Variants in ZBTB39 observed in about 807,000 individuals in gnomAD.
ZBTB39 encodes the protein zinc finger and BTB domain-containing protein 39.
In ZBTB39, 25 loss-of-function variants were observed where a neutral mutation model predicts 39.4. The ratio of observed to expected loss-of-function variants is 0.63; its 90% CI spans 0.46 to 0.89. The LOEUF (loss-of-function observed/expected upper bound fraction) is 0.89, where lower values mean the gene tolerates loss of function less well. Ranked by LOEUF, ZBTB39 falls within the 40% of genes least tolerant of loss-of-function variation. ZBTB39 has a pLI of 0.00. For missense variants in ZBTB39, 891 were observed against 909.7 expected, an observed-to-expected ratio of 0.98 and a Z score of 0.26; for synonymous variants, 373 against 359.6, an observed-to-expected ratio of 1.04 and a Z score of -0.42.
At position 57,003,195 on chromosome 12, in the gene ZBTB39, G is replaced by A; in HGVS notation, c.1723C>T (p.Gln575Ter). Residue 575 changes from glutamine to a stop codon, truncating the protein, a stop_gained, in exon 2 of 2, where the codon CAG (glutamine) becomes TAG (stop). Coordinates refer to ENST00000300101, the MANE Select transcript of ZBTB39 (RefSeq NM_014830.3). LOFTEE classifies it high-confidence loss of function. This position sits in a 1 kb window ranked among gnomAD's most constrained non-coding sequence, Gnocchi z 4.8. Reference protein sequence around the residue: ...GLDARPGFGLQHPALQKRKLP... With the variant: ...GLDARPGFGL ...TTCCGCTTCTGGAGAGCTGGGTGCTGCAGCCCAAAACCAGGCCGTGCATCA... is the reference window on the plus strand; with the variant it reads ...TTCCGCTTCTGGAGAGCTGGGTGCTACAGCCCAAAACCAGGCCGTGCATCA... 6.2e-7 allele frequency: 1 copy of A among 1,614,118 alleles called. No homozygotes were observed. The highest frequency in any genetic ancestry group is 8.5e-7 in the Non-Finnish European group (1 of 1,179,998).
chr12:57,003,321 G>A lies in ZBTB39; in HGVS notation c.1597C>T (p.Leu533=). The A allele has an allele frequency of 1.9e-6, 3 of 1,614,002 alleles. No individual in the cohort carries two copies. Among genetic ancestry groups the A allele is most frequent in the South Asian group, 1.1e-5 (1 of 91,030 alleles). ...LEKHMAVHQS[L]EDALFHCRLC... ...CGGCAGTGGAAGAGGGCGTCTTCCA[G>A]ACTTTGGTGCACAGCCATGTGCTTC... The change falls in exon 2 of 2, where the codon CTG becomes TTG. Residue 533 remains leucine (L), a synonymous_variant. Transcript: ENST00000300101. The surrounding 1 kb of genome is among the most constrained non-coding windows in gnomAD (Gnocchi z 4.8).
rs1056113776 is a variant in ZBTB39 at position 57,002,556 on chromosome 12, T to G, written c.*223A>C. The G allele has an allele frequency of 1.8e-6, 1 of 561,356 alleles. No individual in the cohort carries two copies. Among genetic ancestry groups the G allele is most frequent in the South Asian group, 2.6e-5 (1 of 38,954 alleles). 34.8% of individuals were successfully genotyped at this position (561,356 alleles called of 1,614,324 possible). The stretch of plus-strand genomic sequence containing the variant: ...AAAGAATGAAAAACATAGCCCTGCA[T>G]GGGCAAGAACAGGTATGGAGGTAAA... On this transcript the variant is annotated 3_prime_UTR_variant, in exon 2 of 2. Coordinates refer to ENST00000300101, the MANE Select transcript of ZBTB39 (RefSeq NM_014830.3).
chr12:57,005,206 T>G (rs1256991279), intron 1 of ZBTB39, among the ~76,000 whole-genome samples: 2 of 152,198 alleles, frequency 1.3e-5, no homozygotes, highest in Non-Finnish European at 2.9e-5. Context: ...AGCTGGTGCC[T>G]AGAGACGAAC....
At position 57,004,012 on chromosome 12, in the gene ZBTB39, A is replaced by G. The variant is rs1189239694; in HGVS notation, c.906T>C (p.Asp302=). 6.2e-7 allele frequency: 1 copy of G among 1,614,246 alleles called. No homozygotes were observed. Reference sequence around the variant, plus strand: ...CAGCAGGGTCTTCAAACTGCAAGTCATCATCCCCCAGGTCCTCGAGCTGGA... The same window carrying G: ...CAGCAGGGTCTTCAAACTGCAAGTCGTCATCCCCCAGGTCCTCGAGCTGGA... ...DELQLEDLGD[D]DLQFEDPAED... Residue 302 remains aspartate, a synonymous_variant, in exon 2 of 2, where the codon GAT becomes GAC. Coordinates refer to ENST00000300101, the MANE Select transcript of ZBTB39 (RefSeq NM_014830.3).
At position 57,002,999 on chromosome 12, in the gene ZBTB39, T is replaced by G. The variant is rs1355705712; in HGVS notation, c.1919A>C (p.Lys640Thr). The G allele has an allele frequency of 6.2e-7, 1 of 1,614,126 alleles. No homozygotes were observed. Among genetic ancestry groups the G allele is most frequent in the Non-Finnish European group, 8.5e-7 (1 of 1,180,058 alleles). Residue 640 changes from lysine to threonine, a missense_variant, in exon 2 of 2, where the codon AAG becomes ACG. Lys to Thr is a moderately conservative substitution (Grantham distance 78, BLOSUM62 -1). Coordinates refer to ENST00000300101, the MANE Select transcript of ZBTB39 (RefSeq NM_014830.3). Reference sequence around the variant, plus strand: ...GATGGTCGAGCGGCCTCGAAAGAACTTGTGGCACACCTTACATTGGTATGG... The same window carrying G: ...GATGGTCGAGCGGCCTCGAAAGAACGTGTGGCACACCTTACATTGGTATGG... The part of the protein sequence containing the change: ...EKPYQCKVCH[K>T]FFRGRSTIKC...
Position 57,003,664 on chromosome 12 carries a change from G to T in ZBTB39, c.1254C>A (p.His418Gln). 6.2e-7 allele frequency: 1 copy of T among 1,614,210 alleles called. No individual in the cohort carries two copies. The highest frequency in any genetic ancestry group is 8.5e-7 in the Non-Finnish European group (1 of 1,180,054). The change falls in exon 2 of 2, where the codon CAC (histidine) becomes CAA (glutamine). Residue 418 changes from histidine to glutamine, a missense_variant. Transcript: ENST00000300101. This position sits in a 1 kb window ranked among gnomAD's most constrained non-coding sequence, Gnocchi z 4.8. ...KFFTQWQLTL[H>Q]RRDGIFENNI... is the part of the protein sequence containing the mutation. ...TGTTCTCAAATATTCCATCCCGTCGGTGAAGGGTCAGCTGCCACTGGGTAA... is the reference window on the plus strand; with the variant it reads ...TGTTCTCAAATATTCCATCCCGTCGTTGAAGGGTCAGCTGCCACTGGGTAA...
intron 1 of ZBTB39, among the ~76,000 whole-genome samples, chr12:57,006,188 A>G (rs1047490594): frequency 2.6e-5 from 4 of 151,510 alleles, no homozygotes; most frequent in African/African-American, 4.8e-5. Flanking sequence ...TCCCTCCACA[A>G]ACAGCGCGGG....
chr12:57,004,153 GAA>G lies in ZBTB39; in HGVS notation c.763_764del (p.Phe255GlnfsTer2). On this transcript the variant is annotated frameshift_variant, in exon 2 of 2. Coordinates refer to ENST00000300101, the MANE Select transcript of ZBTB39 (RefSeq NM_014830.3). LOFTEE classifies it high-confidence loss of function. ...QPYKVQSNGD[F>X]SKNSFLTPDN... ...CAGGGGTGAGGAAGCTGTTTTTACT[GAA>G]GTCTCCATTGCTTTGAACTTTGTAT... 1 of 1,614,188 alleles carries G rather than the reference GAA, an allele frequency of 6.2e-7. No individual in the cohort carries two copies. Among genetic ancestry groups the G allele is most frequent in the Non-Finnish European group, 8.5e-7 (1 of 1,180,044 alleles).
Position 57,004,232 on chromosome 12 carries a change from A to G in ZBTB39, c.686T>C (p.Leu229Pro), listed in dbSNP as rs149460855. 1.1e-4 allele frequency: 185 copies of G among 1,614,084 alleles called. 3 individuals are homozygous for G. The East Asian group carries it at 4.0e-3, about 35-fold the overall frequency. Residue 229 changes from leucine (L) to proline (P), a missense_variant, in exon 2 of 2, where the codon CTC becomes CCC. Leu to Pro is a moderately conservative substitution (Grantham distance 98). Coordinates refer to ENST00000300101, the MANE Select transcript of ZBTB39 (RefSeq NM_014830.3). The part of the protein sequence containing the change: ...TSIPSMMTQP[L>P]LGTVSTGIQT... The stretch of plus-strand genomic sequence containing the variant: ...GATGCCCGTGCTGACAGTGCCTAGG[A>G]GTGGCTGGGTCATCATGCTAGGAAT...
intron 1 of ZBTB39, among the ~76,000 whole-genome samples, 165 bp downstream of exon 1, chr12:57,006,239 AG>A (rs1257605879): frequency 1.4e-5 from 2 of 141,592 alleles, no homozygotes; most frequent in Non-Finnish European, 3.1e-5. Flanking sequence ...GGGCTGAATA[AG>A]GGGCCAAGCG....
Position 57,003,264 on chromosome 12 carries a change from C to A in ZBTB39, c.1654G>T (p.Ala552Ser). The A allele has an allele frequency of 6.2e-7, 1 of 1,614,184 alleles. No homozygotes were observed. The highest frequency in any genetic ancestry group is 8.5e-7 in the Non-Finnish European group (1 of 1,180,012). ...TGCTGGCTGACGTGGTAGCGATAGGCAGCCTCTGACTTGAAGCTCTGGCTG... is the reference window on the plus strand; with the variant it reads ...TGCTGGCTGACGTGGTAGCGATAGGAAGCCTCTGACTTGAAGCTCTGGCTG... ...LCSQSFKSEA[A>S]YRYHVSQHKC... Residue 552 changes from alanine (A) to serine (S), a missense_variant, in exon 2 of 2, where the codon GCC (alanine) becomes TCC (serine). By Grantham distance (99) the Ala-to-Ser change is moderately conservative. Coordinates refer to ENST00000300101, the MANE Select transcript of ZBTB39 (RefSeq NM_014830.3). The surrounding 1 kb of genome is among the most constrained non-coding windows in gnomAD (Gnocchi z 4.8).
In ZBTB39 at chr12:57,002,629, TTTC is replaced by T. The variant is rs1386199491; in HGVS notation, c.*147_*149del. The T allele has an allele frequency of 3.8e-5, 28 of 734,852 alleles. No homozygotes were observed. Among genetic ancestry groups the T allele is most frequent in the Non-Finnish European group, 4.4e-5 (20 of 454,400 alleles). The allele number at this position is 734,852 out of a possible 1,614,324, so 45.5% of individuals were successfully genotyped here. ...AACAACAGTAACAGCTTATGTGCTA[TTTC>T]TTCTTCTTTTCTTCTTTAAACACAA... On this transcript the variant is annotated 3_prime_UTR_variant, in exon 2 of 2. Coordinates refer to ENST00000300101, the MANE Select transcript of ZBTB39 (RefSeq NM_014830.3).
rs376665716 is a variant in ZBTB39, at chr12:57,004,318, C to T, written c.600G>A (p.Pro200=). The T allele has an allele frequency of 3.2e-5, 51 of 1,614,094 alleles. No individual in the cohort carries two copies. The highest frequency in any genetic ancestry group is 2.7e-4 in the African/African-American group (20 of 75,014). Residue 200 remains proline, a synonymous_variant, in exon 2 of 2, where the codon CCG becomes CCA. Transcript: ENST00000300101. ...TCTTTGGCGGTGGTGGGGGCGGTTG[C>T]GGCAGATGCAGGCTATGGTTAGCGT... The part of the protein sequence containing the change: ...ASDANHSLHL[P]QPPPPPPKTE...
At position 57,004,365 on chromosome 12, in the gene ZBTB39, C is replaced by A. The variant is rs1220133090; in HGVS notation, c.553G>T (p.Glu185Ter). ...GCGTCACTGGCAACATTCTTCTCTT[C>A]CTCTTTATAGCTCCCTCCAGCATCA... ...PSDAGGSYKE[E>*]EKNVASDANH... The change falls in exon 2 of 2, where the codon GAA becomes TAA. Residue 185 changes from glutamate (E) to a stop codon, truncating the protein, a stop_gained. Coordinates refer to ENST00000300101, the MANE Select transcript of ZBTB39 (RefSeq NM_014830.3). LOFTEE classifies it high-confidence loss of function. The A allele has an allele frequency of 1.2e-6, 2 of 1,614,194 alleles. No homozygotes were observed. The highest frequency in any genetic ancestry group is 1.7e-6 in the Non-Finnish European group (2 of 1,180,032).
At position 56,998,882 on chromosome 12, in the gene ZBTB39, G is replaced by C. The variant is rs1335971829; in HGVS notation, c.*3897C>G. 8 of 152,548 alleles carry C rather than the reference G, an allele frequency of 5.2e-5. No individual in the cohort carries two copies. Among genetic ancestry groups the C allele is most frequent in the Admixed American group, 1.3e-4 (2 of 15,278 alleles). 9.4% of individuals were successfully genotyped at this position (152,548 alleles called of 1,614,324 possible). A position where few individuals can be genotyped will look rare whatever the true frequency, so the allele number is the denominator to read the frequency against. On this transcript the variant is annotated 3_prime_UTR_variant, in exon 2 of 2. Transcript: ENST00000300101. The stretch of plus-strand genomic sequence containing the variant: ...CTAAATAAAAACCACACTTTGTGCT[G>C]AACAATGGAATATAAAAGAATCAGA...
chr12:56,999,228 G>A lies in ZBTB39; in HGVS notation c.*3551C>T, dbSNP rs1956196071. The A allele has an allele frequency of 6.6e-6, 1 of 152,120 alleles. No homozygotes were observed. The highest frequency in any genetic ancestry group is 2.4e-5 in the African/African-American group (1 of 41,418). 9.4% of individuals were successfully genotyped at this position (152,120 alleles called of 1,614,324 possible). On this transcript the variant is annotated 3_prime_UTR_variant, in exon 2 of 2. Transcript: ENST00000300101. ...CACCCTGCCTCCTGACTCATTTGGT[G>A]CAGGATTTAGGGAAAAGAGTCCCAG...
At position 57,002,706 on chromosome 12, in the gene ZBTB39, G is replaced by T; in HGVS notation, c.*73C>A. The T allele has an allele frequency of 7.0e-7, 1 of 1,424,980 alleles. No homozygotes were observed. The highest frequency in any genetic ancestry group is 9.7e-7 in the Non-Finnish European group (1 of 1,034,388). 88.3% of individuals were successfully genotyped at this position (1,424,980 alleles called of 1,614,324 possible). A position where few individuals can be genotyped will look rare whatever the true frequency, so the allele number is the denominator to read the frequency against. ...GCAAAATTATAACTTCAGCTGGGGA[G>T]GGACCAACACCTCTTAGATATCAGC... On this transcript the variant is annotated 3_prime_UTR_variant, in exon 2 of 2. Transcript: ENST00000300101.
chr12:57,004,700 T>A lies in ZBTB39; in HGVS notation c.218A>T (p.Asp73Val). The A allele has an allele frequency of 6.2e-7, 1 of 1,614,200 alleles. No individual in the cohort carries two copies. Among genetic ancestry groups the A allele is most frequent in the Non-Finnish European group, 8.5e-7 (1 of 1,180,030 alleles). The change falls in exon 2 of 2, where the codon GAC becomes GTC. Residue 73 changes from aspartate (D) to valine (V), a missense_variant. Transcript: ENST00000300101. Reference protein sequence around the residue: ...GLDAARTYVVDFITPANFEKV... With the variant: ...GLDAARTYVVVFITPANFEKV... ...CTCAAAGTTGGCAGGGGTGATGAAGTCCACCACATAGGTCCTGGCAGCATC... is the reference window on the plus strand; with the variant it reads ...CTCAAAGTTGGCAGGGGTGATGAAGACCACCACATAGGTCCTGGCAGCATC...
Position 57,004,786 on chromosome 12 carries a change from G to C in ZBTB39, c.132C>G (p.His44Gln), listed in dbSNP as rs1359490866. 1 of 1,614,210 alleles carries C rather than the reference G, an allele frequency of 6.2e-7. No homozygotes were observed. The highest frequency in any genetic ancestry group is 1.1e-5 in the South Asian group (1 of 91,080). The change falls in exon 2 of 2, where the codon CAC becomes CAG. Residue 44 changes from histidine (H) to glutamine (Q), a missense_variant. Transcript: ENST00000300101. The part of the protein sequence containing the change: ...IVVGSRSFPA[H>Q]KAVLACAAGY... ...CAGCTGCACAGGCCAGCACAGCCTT[G>C]TGGGCCGGGAAGGAGCGGCTCCCCA... is the stretch of plus-strand genomic sequence containing the variant.
Sources: gnomAD v4.1 joint callset for allele counts (sites outside exome capture counted in the v4.1 genomes callset) on GRCh38, gnomAD v4.1.1 for gene constraint, Gnocchi (gnomAD v3.1) non-coding constraint, MANE v1.5 for transcripts, NCBI Gene and HGNC (gene_info 2026-07-23, HGNC 2026-07-21) for gene names.